DOCK3: variants seen among roughly 807,000 people sequenced by gnomAD.
The protein encoded by DOCK3 is dedicator of cytokinesis 3, also known as dedicator of cytokinesis protein 3.
Under a neutral mutation model 265.6 loss-of-function variants are expected in DOCK3, and 60 were observed. The ratio of observed to expected loss-of-function variants is 0.23; its 90% CI spans 0.18 to 0.28. The LOEUF (loss-of-function observed/expected upper bound fraction) is 0.28. DOCK3 is among the 10% of genes least tolerant of loss of function. The pLI is 1.00. For synonymous variants in DOCK3, 881 were observed against 938.0 expected, an observed-to-expected ratio of 0.94 and a Z score of 1.11; for missense variants, 1,981 against 2,594.3, an observed-to-expected ratio of 0.76 and a Z score of 5.14.
chr3:50,912,187 C>T (rs2049890133), intron 4 of DOCK3, among the ~76,000 whole-genome samples: 1 of 152,000 alleles, frequency 6.6e-6, no homozygotes, highest in Non-Finnish European at 1.5e-5. Flanking sequence ...GGATGAATTC[C>T]ACTTGATCAT....
At chr3:51,115,683 A>T (rs920407063) in intron 9 of DOCK3, among the ~76,000 whole-genome samples, 73 of 152,056 alleles carry the variant, frequency 4.8e-4, no homozygotes, top group Non-Finnish European at 8.7e-4. Flanking sequence ...TTTTGTTGCC[A>T]TTGCTTTTGG....
At chr3:50,998,737 G>A (rs1298867438) in intron 5 of DOCK3, among the ~76,000 whole-genome samples, 1 of 152,100 alleles carries the variant, frequency 6.6e-6, no homozygotes, top group Admixed American at 6.6e-5. Context: ...TTATGTTATG[G>A]CTTTTTCATA....
In DOCK3 at chr3:51,339,089, A is replaced by G; in HGVS notation, c.3766+61A>G. 3.6e-6 allele frequency: 5 copies of G among 1,392,884 alleles called. No homozygotes were observed. In the South Asian group the frequency reaches 7.3e-5, roughly 20 times the overall value. The allele number at this position is 1,392,884 out of a possible 1,614,324, so 86.3% of individuals were successfully genotyped here. On this transcript the variant is annotated intron_variant, in intron 37 of 52. Transcript: ENST00000266037. ...GAGGACAAACTGAAGGGATTTGTAC[A>G]ATAGGCAGAGAAAGGCTTCAGGCTG... is the stretch of plus-strand genomic sequence containing the variant.
intron 5 of DOCK3, among the ~76,000 whole-genome samples, chr3:51,029,479 G>A (rs548224871): frequency 1.3e-5 from 2 of 152,346 alleles, no homozygotes; most frequent in South Asian, 4.1e-4. Flanking sequence ...GCCCCAGTGG[G>A]AAAGGCATCT....
intron 9 of DOCK3, among the ~76,000 whole-genome samples, chr3:51,106,310 A>G (rs1576096306): frequency 6.6e-6 from 1 of 152,214 alleles, no homozygotes; most frequent in Non-Finnish European, 1.5e-5. Flanking sequence ...TAGCTCCTGC[A>G]CTGGCAGGCC....
At chr3:51,353,984 A>T (rs894651221) in intron 40 of DOCK3, among the ~76,000 whole-genome samples, 1 of 152,238 alleles carries the variant, frequency 6.6e-6, no homozygotes, top group African/African-American at 2.4e-5. Context: ...TGCCTTGTCC[A>T]CAAAGAGAAA....
At chr3:51,202,084 T>C (rs1018825659) in intron 12 of DOCK3, among the ~76,000 whole-genome samples, 1 of 151,448 alleles carries the variant, frequency 6.6e-6, no homozygotes, top group Admixed American at 6.6e-5. Flanking sequence ...AGATCCAAAA[T>C]TGACACCCTA....
intron 12 of DOCK3, among the ~76,000 whole-genome samples, chr3:51,197,608 C>T (rs1471105631): frequency 6.6e-6 from 1 of 152,188 alleles, no homozygotes; most frequent in Non-Finnish European, 1.5e-5. Flanking sequence ...GGTCTGTGTT[C>T]TCTGTCACAG....
intron 1 of DOCK3, among the ~76,000 whole-genome samples, chr3:50,724,567 C>A (rs1416916045): frequency 6.6e-6 from 1 of 152,000 alleles, no homozygotes; most frequent in East Asian, 1.9e-4. Context: ...TGGAAACCAT[C>A]ATTCTCAGCA....
At chr3:50,913,619 C>T (rs1438294781) in intron 4 of DOCK3, among the ~76,000 whole-genome samples, 2 of 152,108 alleles carry the variant, frequency 1.3e-5, no homozygotes, top group African/African-American at 4.8e-5. Flanking sequence ...AACTCACCTT[C>T]CAACCACTGG....
At chr3:51,356,380 C>G (rs1490037210) in intron 42 of DOCK3, 27 bp from the exon 43 acceptor site, 2 of 1,613,244 alleles carry the variant, frequency 1.2e-6, no homozygotes, top group African/African-American at 1.3e-5. Flanking sequence ...GCCTAACTGC[C>G]CATACCTGCC....
intron 27 of DOCK3, among the ~76,000 whole-genome samples, chr3:51,308,109 C>T (rs2082803601): frequency 6.6e-6 from 1 of 151,814 alleles, no homozygotes; most frequent in Admixed American, 6.6e-5. Flanking sequence ...GTTTTCATGA[C>T]TTTCATGATT....
intron 12 of DOCK3, among the ~76,000 whole-genome samples, chr3:51,206,168 C>T (rs965562524): frequency 1.3e-5 from 2 of 152,172 alleles, no homozygotes; most frequent in African/African-American, 4.8e-5. Context: ...ATGTTTTCCT[C>T]AATATCTGCC....
intron 4 of DOCK3, among the ~76,000 whole-genome samples, chr3:50,925,887 A>G (rs1438688720): frequency 1.4e-5 from 2 of 146,262 alleles, no homozygotes; most frequent in East Asian, 4.0e-4. Flanking sequence ...CTGGAGTGCA[A>G]ATGACACAAT....
At chr3:51,303,548 T>G (rs2082473548) in intron 27 of DOCK3, among the ~76,000 whole-genome samples, 1 of 151,842 alleles carries the variant, frequency 6.6e-6, no homozygotes, top group African/African-American at 2.4e-5. Context: ...CTTCATGAGT[T>G]TGTCTAGCGT....
chr3:51,255,167 T>G (rs575066388), intron 22 of DOCK3, among the ~76,000 whole-genome samples: 1 of 152,370 alleles, frequency 6.6e-6, no homozygotes, highest in Non-Finnish European at 1.5e-5. Context: ...TTGAAAATTC[T>G]TTTCTTTAAG....
chr3:51,227,189 C>A (rs1369728723), intron 15 of DOCK3, 94 bp from the exon 16 acceptor site: 136 of 1,445,834 alleles, frequency 9.4e-5, no homozygotes, highest in Non-Finnish European at 1.2e-4. Context: ...AAAAATGAGA[C>A]CTTTAGACAA....
At chr3:51,306,424 G>T (rs1439639599) in intron 27 of DOCK3, among the ~76,000 whole-genome samples, 1 of 152,110 alleles carries the variant, frequency 6.6e-6, no homozygotes, top group Non-Finnish European at 1.5e-5. Flanking sequence ...TGTAGAGTTT[G>T]TTGAGCTTCT....
rs763999056 is a variant in DOCK3 at position 51,229,499 on chromosome 3, G to A, written c.1820-13G>A. 7.1e-5 allele frequency: 111 copies of A among 1,563,660 alleles called. No individual in the cohort carries two copies. The highest frequency in any genetic ancestry group is 9.2e-5 in the Non-Finnish European group (107 of 1,158,406). ...GTTTCAAGGGTTCCTCATCTTTTGG[G>A]CTTGCTTTCTAGTGGACCTCCTAGC... On this transcript the variant is annotated splice_polypyrimidine_tract_variant and intron_variant, in intron 18 of 52. Transcript: ENST00000266037.
Sources: allele counts gnomAD v4.1 joint callset (sites outside exome capture counted in the v4.1 genomes callset), GRCh38; gene constraint gnomAD v4.1.1; transcripts MANE v1.5; gene names NCBI Gene and HGNC (gene_info 2026-07-23, HGNC 2026-07-21).